Variants in LAMP2 observed in about 807,000 individuals in gnomAD.
The protein encoded by LAMP2 is lysosome-associated membrane glycoprotein 2.
Under a neutral mutation model 25.6 loss-of-function variants are expected in LAMP2, and 4 were observed. The observed-to-expected ratio is 0.16, with a 90% confidence interval of 0.08 to 0.36. LAMP2 has a LOEUF of 0.36. Among genes scored for constraint, LAMP2 ranks in the 10% least tolerant of loss-of-function variants. The pLI, the probability that LAMP2 is intolerant of heterozygous loss-of-function variation, is 1.00. For synonymous variants in LAMP2, 108 were observed against 112.7 expected (o/e 0.96, Z 0.27); for missense variants, 272 against 301.4 (o/e 0.90, Z 0.72).
rs915823771 is a variant in LAMP2 at position 120,428,046 on chromosome X, C to T, written c.*3277G>A. 4 of 112,277 alleles carry T rather than the reference C, an allele frequency of 3.6e-5. No individual in the cohort carries two copies. The highest frequency in any genetic ancestry group is 1.3e-4 in the African/African-American group (4 of 30,779). 9.3% of individuals were successfully genotyped at this position (112,277 alleles called of 1,213,427 possible). On this transcript the variant is annotated 3_prime_UTR_variant, in exon 9 of 9. Transcript: ENST00000200639. ...GGAAGTCTTATCATGAACCAAATTT[C>T]GTGTCTGCCACCAATGAAAATGAAT...
intron 3 of LAMP2, 103 bp from the exon 4 acceptor site, chrX:120,449,231 C>G: frequency 1.6e-6 from 1 of 635,254 alleles, no homozygotes; most frequent in Non-Finnish European, 2.5e-6. Flanking sequence ...CCTGCCCTAC[C>G]CCAGGCACAA....
In LAMP2 at chrX:120,428,224, A is replaced by T; in HGVS notation, c.*3099T>A. 4.3e-6 allele frequency: 1 copy of T among 235,206 alleles called. No homozygotes were observed. The highest frequency in any genetic ancestry group is 7.5e-6 in the Non-Finnish European group (1 of 133,699). 19.4% of individuals were successfully genotyped at this position (235,206 alleles called of 1,213,427 possible). A position where few individuals can be genotyped will look rare whatever the true frequency, so the allele number is the denominator to read the frequency against. On this transcript the variant is annotated 3_prime_UTR_variant, in exon 9 of 9. Transcript: ENST00000200639. ...CTTTCATAATTGGATCCAGGGGCTT[A>T]AAATCATTATTTACTTAAAAAATTC...
chrX:120,458,401 G>A (rs775988719), intron 1 of LAMP2, among the ~76,000 whole-genome samples: 1 of 111,905 alleles, frequency 8.9e-6, no homozygotes, highest in East Asian at 2.8e-4. Flanking sequence ...TGTGTCTTAG[G>A]GTGTGAGAAC....
In LAMP2 at chrX:120,431,454, A is replaced by G; in HGVS notation, c.1102T>C (p.Cys368Arg). 8.3e-7 allele frequency: 1 copy of G among 1,207,679 alleles called. No individual in the cohort carries two copies. The highest frequency in any genetic ancestry group is 3.0e-5 in the East Asian group (1 of 33,834). ...TQGKYSTAQD[C>R]SADDDNFLVP... Reference sequence around the variant, plus strand: ...AGGAAGTTGTCGTCATCTGCACTGCAGTCTTGAGCTAGATGTGGAGAAAGG... The same window carrying G: ...AGGAAGTTGTCGTCATCTGCACTGCGGTCTTGAGCTAGATGTGGAGAAAGG... The change falls in exon 9 of 9, where the codon TGC becomes CGC. Residue 368 changes from cysteine (C) to arginine (R), a missense_variant. By Grantham distance (180) the Cys-to-Arg change is radical. Transcript: ENST00000200639.
chrX:120,466,533 C>T (rs954474128), intron 1 of LAMP2, among the ~76,000 whole-genome samples: 5 of 111,536 alleles, frequency 4.5e-5, no homozygotes, highest in Non-Finnish European at 7.5e-5. Flanking sequence ...GCAAAGCCTG[C>T]CTCAAGGCCG....
chrX:120,454,580 C>T (rs887564387), intron 3 of LAMP2, among the ~76,000 whole-genome samples: 2 of 107,419 alleles, frequency 1.9e-5, no homozygotes, highest in Admixed American at 1.0e-4. Context: ...TAGTGAGACA[C>T]CCCCCCCAAC....
In LAMP2 at chrX:120,430,523, A is replaced by C. The variant is rs2058518635; in HGVS notation, c.*800T>G. 2.7e-6 allele frequency: 2 copies of C among 748,226 alleles called. No individual in the cohort carries two copies. Among genetic ancestry groups the C allele is most frequent in the African/African-American group, 4.6e-5 (2 of 43,484 alleles). The allele number at this position is 748,226 out of a possible 1,213,427, so 61.7% of individuals were successfully genotyped here. On this transcript the variant is annotated 3_prime_UTR_variant, in exon 9 of 9. Transcript: ENST00000200639. Reference sequence around the variant, plus strand: ...TAGAATATTTCTATCTTTCAATACTAATCAGGCATCCAAAGAAGAACAAAA... The same window carrying C: ...TAGAATATTTCTATCTTTCAATACTCATCAGGCATCCAAAGAAGAACAAAA...
intron 1 of LAMP2, 120 bp downstream of exon 1, chrX:120,468,986 C>T: frequency 1.2e-6 from 1 of 818,230 alleles, no homozygotes; most frequent in Non-Finnish European, 1.9e-6. Context: ...CGCCGCCGCC[C>T]AGTGTTAGCT....
Position 120,431,251 on chromosome X carries a change from T to C in LAMP2, c.*72A>G, listed in dbSNP as rs1196417658. ...CATATCAATTTTAAGAAGCAAAGTG[T>C]TTCAACAACTGAGAGGTAAGAAAAT... is the stretch of plus-strand genomic sequence containing the variant. On this transcript the variant is annotated 3_prime_UTR_variant, in exon 9 of 9. Coordinates refer to ENST00000200639, the MANE Select transcript of LAMP2 (RefSeq NM_002294.3). 8.4e-7 allele frequency: 1 copy of C among 1,196,934 alleles called. No homozygotes were observed. The highest frequency in any genetic ancestry group is 1.8e-5 in the African/African-American group (1 of 57,062).
rs1275264834 is a variant in LAMP2 at position 120,428,368 on chromosome X, T to G, written c.*2955A>C. ...ACTCATGCCCAAGTTAGCTAGGAAC[T>G]CACTGAAGTTAGTCTGCATATCTTA... On this transcript the variant is annotated 3_prime_UTR_variant, in exon 9 of 9. Transcript: ENST00000200639. 1.0e-6 allele frequency: 1 copy of G among 971,286 alleles called. No homozygotes were observed. The highest frequency in any genetic ancestry group is 2.0e-5 in the African/African-American group (1 of 49,711). The allele number at this position is 971,286 out of a possible 1,213,427, so 80.0% of individuals were successfully genotyped here.
At chrX:120,465,682 G>C (rs1299111880) in intron 1 of LAMP2, among the ~76,000 whole-genome samples, 3 of 112,235 alleles carry the variant, frequency 2.7e-5, no homozygotes, top group African/African-American at 9.7e-5. Flanking sequence ...GGCACAGCTA[G>C]AGCACTAATG....
At chrX:120,465,683 A>G (rs1921506261) in intron 1 of LAMP2, among the ~76,000 whole-genome samples, 1 of 112,333 alleles carries the variant, frequency 8.9e-6, no homozygotes, top group Non-Finnish European at 1.9e-5. Flanking sequence ...GCACAGCTAG[A>G]GCACTAATGC....
intron 3 of LAMP2, among the ~76,000 whole-genome samples, chrX:120,455,144 T>C (rs2058640590): frequency 9.4e-6 from 1 of 106,254 alleles, no homozygotes; most frequent in African/African-American, 3.4e-5. Flanking sequence ...ATACCTGGTA[T>C]ACAGTAAGTC....
In LAMP2 at chrX:120,428,326, T is replaced by C; in HGVS notation, c.*2997A>G. ...AGAAAAAAATTGGTCCTAATATATT[T>C]TGTCTTAAATAAGTGTACTCATGCC... On this transcript the variant is annotated 3_prime_UTR_variant, in exon 9 of 9. Coordinates refer to ENST00000200639, the MANE Select transcript of LAMP2 (RefSeq NM_002294.3). 1 of 637,315 alleles carries C rather than the reference T, an allele frequency of 1.6e-6. No individual in the cohort carries two copies. Among genetic ancestry groups the C allele is most frequent in the South Asian group, 9.2e-5 (1 of 10,815 alleles). The allele number at this position is 637,315 out of a possible 1,213,427, so 52.5% of individuals were successfully genotyped here.
Position 120,429,465 on chromosome X carries a change from C to G in LAMP2, c.*1858G>C, listed in dbSNP as rs551726898. 8.1e-6 allele frequency: 5 copies of G among 620,887 alleles called. No homozygotes were observed. The South Asian group carries it at 3.4e-4, about 42-fold the overall frequency. The allele number at this position is 620,887 out of a possible 1,213,427, so 51.2% of individuals were successfully genotyped here. ...AAATACAATTACATTTCTAAAGCAT[C>G]TGATACACATCAAGAGGTCAACAAG... On this transcript the variant is annotated 3_prime_UTR_variant, in exon 9 of 9. Transcript: ENST00000200639.
At position 120,443,727 on chromosome X, in the gene LAMP2, T is replaced by C. The variant is rs1303119106; in HGVS notation, c.865-1065A>G. Among the ~76,000 whole-genome samples the C allele has an allele frequency of 6.3e-5, 7 of 111,902 alleles. No individual in the cohort carries two copies. In the Admixed American group the frequency reaches 6.7e-4, roughly 11 times the overall value. ...GCCATGGACTTTAGATGTTACCTTG[T>C]TGGCAAAAGAGAAACATTGTGAGGC... On this transcript the variant is annotated intron_variant, in intron 6 of 8. Transcript: ENST00000200639.
chrX:120,439,360 G>T (rs1287887048), intron 8 of LAMP2: 1 of 1,036,709 alleles, frequency 9.6e-7, no homozygotes, highest in East Asian at 3.1e-5. Flanking sequence ...CGAAGTCAAA[G>T]ATGTTGATTT....
chrX:120,445,622 A>T (rs2058592464), intron 6 of LAMP2, among the ~76,000 whole-genome samples: 1 of 112,291 alleles, frequency 8.9e-6, no homozygotes, highest in South Asian at 3.7e-4. Flanking sequence ...TCACACATAC[A>T]TCCCTTCACA....
chrX:120,438,682 C>T (rs1384812103), intron 8 of LAMP2: 4 of 710,469 alleles, frequency 5.6e-6, no homozygotes, highest in Non-Finnish European at 6.5e-6. Flanking sequence ...AGTTAACCTG[C>T]AAACAAAAAT....
Sources: gnomAD v4.1 joint callset for allele counts (sites outside exome capture counted in the v4.1 genomes callset) on GRCh38, gnomAD v4.1.1 for gene constraint, MANE v1.5 for transcripts, NCBI Gene and HGNC (gene_info 2026-07-23, HGNC 2026-07-21) for gene names.